CNTNAP2: variants seen among roughly 807,000 people sequenced by gnomAD.
CNTNAP2 encodes contactin associated protein 2.
Under a neutral mutation model 155.2 loss-of-function variants are expected in CNTNAP2, and 98 were observed. The observed-to-expected ratio is 0.63, with a 90% CI of 0.54 to 0.75. The LOEUF is 0.75. Ranked by LOEUF, CNTNAP2 falls within the 30% of genes least tolerant of loss-of-function variation. The pLI, the probability that CNTNAP2 is intolerant of heterozygous loss-of-function variation, is 0.00. For synonymous variants in CNTNAP2, 651 were observed against 631.2 expected, an observed-to-expected ratio of 1.03 and a Z score of -0.47; for missense variants, 1,727 against 1,688.1, an observed-to-expected ratio of 1.02 and a Z score of -0.40.
chr7:147,868,715 G>A (rs1012304958), intron 13 of CNTNAP2, among the ~76,000 whole-genome samples: 12 of 152,242 alleles, frequency 7.9e-5, no homozygotes, highest in African/African-American at 2.9e-4. Flanking sequence ...CTGCCTTGCA[G>A]TTTGATCTCA....
intron 12 of CNTNAP2, among the ~76,000 whole-genome samples, chr7:147,622,596 A>G (rs1370107782): frequency 6.6e-6 from 1 of 152,042 alleles, no homozygotes; most frequent in Non-Finnish European, 1.5e-5. Context: ...GATGATGGAA[A>G]CACAACATAC....
chr7:146,257,436 CTG>C (rs1799857084), intron 1 of CNTNAP2, among the ~76,000 whole-genome samples: 1 of 152,162 alleles, frequency 6.6e-6, no homozygotes, highest in South Asian at 2.1e-4. Flanking sequence ...CCCAAAATGA[CTG>C]TTTTACTTAT....
chr7:147,656,442 G>A (rs921888943), intron 13 of CNTNAP2, among the ~76,000 whole-genome samples: 1 of 152,084 alleles, frequency 6.6e-6, no homozygotes, highest in Non-Finnish European at 1.5e-5. Context: ...TCTTTCACTC[G>A]AATACTTAGA....
At chr7:146,622,275 C>A (rs865849989) in intron 1 of CNTNAP2, among the ~76,000 whole-genome samples, 3 of 84,444 alleles carry the variant, frequency 3.6e-5, no homozygotes, top group African/African-American at 1.9e-4. Context: ...ATCTATCTAT[C>A]TATCTATATA....
chr7:146,748,143 C>CTTTTCTTTTT (rs60181692), intron 1 of CNTNAP2, among the ~76,000 whole-genome samples: 40 of 97,992 alleles, frequency 4.1e-4, no homozygotes, highest in South Asian at 3.1e-3. Flanking sequence ...CTTTTCTTTT[C>CTTTTCTTTTT]TTTTTTTTTT....
chr7:147,694,457 T>C (rs965506719), intron 13 of CNTNAP2, among the ~76,000 whole-genome samples: 1 of 152,166 alleles, frequency 6.6e-6, no homozygotes, highest in South Asian at 2.1e-4. Context: ...AATTTACCAA[T>C]AAGTTGATCT....
intron 21 of CNTNAP2, among the ~76,000 whole-genome samples, chr7:148,352,581 T>C (rs554755338): frequency 6.6e-6 from 1 of 152,268 alleles, no homozygotes; most frequent in Non-Finnish European, 1.5e-5. Flanking sequence ...AGAAAGCACA[T>C]GAAAGTGCCT....
In CNTNAP2 at chr7:148,188,116, T is replaced by G. The variant is rs1013184162; in HGVS notation, c.3010+15638T>G. Among the ~76,000 whole-genome samples, 8 of 151,898 alleles carry G rather than the reference T, an allele frequency of 5.3e-5. No homozygotes were observed. The South Asian group carries it at 1.5e-3, about 28-fold the overall frequency. ...TTAGATGGAAAAAATCGTGGGAGAG[T>G]AGGAATAGTTTAAGGAATGTGCTTG... On this transcript the variant is annotated intron_variant, in intron 18 of 23. Coordinates refer to ENST00000361727, the MANE Select transcript of CNTNAP2 (RefSeq NM_014141.6).
chr7:148,223,816 A>G (rs1317802573), intron 19 of CNTNAP2, among the ~76,000 whole-genome samples: 1 of 152,250 alleles, frequency 6.6e-6, no homozygotes, highest in Non-Finnish European at 1.5e-5. Flanking sequence ...AGAAGGACAG[A>G]AAAGAAAAAA....
At chr7:147,673,537 G>GA (rs1409386286) in intron 13 of CNTNAP2, among the ~76,000 whole-genome samples, 1 of 152,066 alleles carries the variant, frequency 6.6e-6, no homozygotes, top group Non-Finnish European at 1.5e-5. Context: ...AGCTATATAA[G>GA]AAAAAAACCT....
chr7:147,471,005 C>A (rs1584753682), intron 10 of CNTNAP2, among the ~76,000 whole-genome samples: 2 of 152,210 alleles, frequency 1.3e-5, no homozygotes, highest in East Asian at 1.9e-4. Context: ...AAATGTCAAG[C>A]AAGTGTAGAA....
intron 1 of CNTNAP2, among the ~76,000 whole-genome samples, chr7:146,172,283 T>C (rs1798406002): frequency 6.6e-6 from 1 of 152,056 alleles, no homozygotes; most frequent in African/African-American, 2.4e-5. Context: ...TTGTCACAAT[T>C]CTGGGGAGAG....
intron 14 of CNTNAP2, among the ~76,000 whole-genome samples, chr7:147,964,109 A>G (rs1312740639): frequency 6.6e-6 from 1 of 152,050 alleles, no homozygotes; most frequent in African/African-American, 2.4e-5. Context: ...CCTTATAAGT[A>G]GAGGAAGAAA....
chr7:146,931,847 T>C (rs886619396), intron 3 of CNTNAP2, among the ~76,000 whole-genome samples: 7 of 152,158 alleles, frequency 4.6e-5, no homozygotes, highest in South Asian at 4.1e-4. Context: ...AAGAAATGGA[T>C]ACATTCCTTG....
intron 8 of CNTNAP2, among the ~76,000 whole-genome samples, chr7:147,176,307 A>C (rs552048463): frequency 2.1e-4 from 32 of 152,246 alleles, no homozygotes; most frequent in African/African-American, 6.7e-4. Flanking sequence ...AGTGCTACGG[A>C]TTAAGTTAGT....
At chr7:146,818,257 G>A (rs1465478873) in intron 2 of CNTNAP2, among the ~76,000 whole-genome samples, 1 of 152,092 alleles carries the variant, frequency 6.6e-6, no homozygotes, top group South Asian at 2.1e-4. Context: ...AATATCAAGA[G>A]ACTGTTAAAA....
intron 4 of CNTNAP2, among the ~76,000 whole-genome samples, chr7:147,059,622 C>T (rs1427008454): frequency 6.6e-6 from 1 of 152,012 alleles, no homozygotes. Context: ...TAGCTTGATT[C>T]AGAACTATAC....
intron 12 of CNTNAP2, among the ~76,000 whole-genome samples, chr7:147,600,658 T>A (rs1800925594): frequency 6.6e-6 from 1 of 152,200 alleles, no homozygotes; most frequent in Non-Finnish European, 1.5e-5. Flanking sequence ...GTTGGTTGTC[T>A]GCCTTTGCTC....
At chr7:146,426,185 C>CAAAAAAAAAAAAAAAAAAAAAAAAAAAA (rs57484419) in intron 1 of CNTNAP2, among the ~76,000 whole-genome samples, 7 of 54,634 alleles carry the variant, frequency 1.3e-4, no homozygotes, top group African/African-American at 5.2e-4. Context: ...GACTTCGCCT[C>CAAAAAAAAAAAAAAAAAAAAAAAAAAAA]AAAAAAAAAA....
Sources: gnomAD v4.1 joint callset for allele counts (sites outside exome capture counted in the v4.1 genomes callset) on GRCh38, gnomAD v4.1.1 for gene constraint, MANE v1.5 for transcripts, NCBI Gene and HGNC (gene_info 2026-07-23, HGNC 2026-07-21) for gene names.